The following TTC27 variants were observed in gnomAD, a reference collection of about 807,000 sequenced individuals.
TTC27 encodes tetratricopeptide repeat domain 27, also known as tetratricopeptide repeat protein 27.
Under a neutral mutation model 115.9 loss-of-function variants are expected in TTC27, and 79 were observed. The observed-to-expected ratio is 0.68, with a 90% CI of 0.57 to 0.82. The LOEUF is 0.82. TTC27 is among the 40% of genes least tolerant of loss of function. The pLI is 0.00. For missense variants in TTC27, 1,054 were observed against 993.1 expected (o/e 1.06, Z -0.82); for synonymous variants, 401 against 356.0 (o/e 1.13, Z -1.42).
chr2:32,807,317 C>CTCT lies in TTC27; in HGVS notation c.1999-3705_1999-3704insTTC, dbSNP rs568313094. ...AGTATACCAATTTCCTTCTTTACCC[C>CTCT]TCCTTACTCTTCAAAATCCTTCTCC... On this transcript the variant is annotated intron_variant, in intron 16 of 19. Transcript: ENST00000317907. Among the ~76,000 whole-genome samples the CTCT allele has an allele frequency of 1.9e-3, 285 of 152,256 alleles. 1 individual carries two copies. The highest frequency in any genetic ancestry group is 6.5e-3 in the African/African-American group (272 of 41,534).
intron 14 of TTC27, among the ~76,000 whole-genome samples, chr2:32,781,999 T>G (rs1256421518): frequency 1.3e-5 from 2 of 152,194 alleles, no homozygotes; most frequent in African/African-American, 2.4e-5. Flanking sequence ...GTGTGGGACT[T>G]GAGAATGATA....
chr2:32,689,518 AC>A (rs1221206383), intron 9 of TTC27, among the ~76,000 whole-genome samples: 3 of 152,106 alleles, frequency 2.0e-5, no homozygotes, highest in Admixed American at 6.5e-5. Context: ...CTTAGTGTTC[AC>A]ATTCGTTATG....
intron 8 of TTC27, among the ~76,000 whole-genome samples, chr2:32,674,013 T>G (rs1046159867): frequency 6.6e-6 from 1 of 152,112 alleles, no homozygotes; most frequent in Admixed American, 6.6e-5. Context: ...GAAAGGTAAT[T>G]TTAGACTAAA....
intron 12 of TTC27, among the ~76,000 whole-genome samples, chr2:32,741,381 C>A (rs564887743): frequency 6.6e-6 from 1 of 151,898 alleles, no homozygotes; most frequent in African/African-American, 2.4e-5. Flanking sequence ...TGGTGGCTCA[C>A]GCCTGTAATC....
intron 9 of TTC27, among the ~76,000 whole-genome samples, chr2:32,682,217 G>A (rs1666456619): frequency 6.6e-6 from 1 of 152,116 alleles, no homozygotes; most frequent in African/African-American, 2.4e-5. Flanking sequence ...GTCTATTCAA[G>A]AGCTGTGTCA....
intron 10 of TTC27, among the ~76,000 whole-genome samples, chr2:32,712,570 T>G (rs1474178508): frequency 6.6e-6 from 1 of 152,140 alleles, no homozygotes; most frequent in Non-Finnish European, 1.5e-5. Flanking sequence ...TTTTTTCTTT[T>G]TTTAAATGAG....
rs1319816724 is a variant in TTC27 at position 32,643,293 on chromosome 2, A to G, written c.537+2883A>G. 2.6e-5 allele frequency among the ~76,000 whole-genome samples: 4 copies of G among 151,470 alleles called. No homozygotes were observed. The East Asian group carries it at 7.8e-4, about 30-fold the overall frequency. Reference sequence around the variant, plus strand: ...TAAAGACTGACGATTACTTTGCTCTATTGTTTTATTTATTTACTTATTTAT... The same window carrying G: ...TAAAGACTGACGATTACTTTGCTCTGTTGTTTTATTTATTTACTTATTTAT... On this transcript the variant is annotated intron_variant, in intron 4 of 19. Transcript: ENST00000317907.
Position 32,782,666 on chromosome 2 carries a change from G to T in TTC27, c.1820G>T (p.Arg607Leu), listed in dbSNP as rs776673745. ...AWNNLSTSYI[R>L]LKQKVKAFRT... is the part of the protein sequence containing the mutation. ...AACAATTTGTCAACTTCCTATATCC[G>T]ATTAAAACAAAAGTAAGTACATCAG... The change falls in exon 15 of 20, where the codon CGA (arginine) becomes CTA (leucine). Residue 607 changes from arginine to leucine, a missense_variant. Arg to Leu is a moderately radical substitution (Grantham distance 102). Transcript: ENST00000317907. 34 of 1,610,808 alleles carry T rather than the reference G, an allele frequency of 2.1e-5. No homozygotes were observed. The highest frequency in any genetic ancestry group is 1.6e-4 in the Middle Eastern group (1 of 6,070).
chr2:32,817,918 A>T (rs1000119422), intron 19 of TTC27, among the ~76,000 whole-genome samples: 3 of 152,112 alleles, frequency 2.0e-5, no homozygotes, highest in African/African-American at 7.2e-5. Context: ...TTAGCTGGGC[A>T]TGGTTGCGGG....
intron 9 of TTC27, among the ~76,000 whole-genome samples, chr2:32,682,844 G>GGT (rs1553550061): frequency 1.8e-5 from 1 of 56,988 alleles, no homozygotes; most frequent in African/African-American, 7.5e-5. Context: ...AATTTTTATT[G>GGT]TTGTTTTTTT....
chr2:32,728,573 A>G lies in TTC27; in HGVS notation c.1234-5255A>G, dbSNP rs540353109. ...AAATAGAGTTCTCAGTATTTTTCCA[A>G]TGAGAAGCTGCTTTCAATTTTGACA... is the stretch of plus-strand genomic sequence containing the variant. On this transcript the variant is annotated intron_variant, in intron 10 of 19. Transcript: ENST00000317907. 7.2e-5 allele frequency among the ~76,000 whole-genome samples: 11 copies of G among 152,320 alleles called. No individual in the cohort carries two copies. In the East Asian group the frequency reaches 1.9e-3, roughly 27 times the overall value.
intron 10 of TTC27, among the ~76,000 whole-genome samples, chr2:32,713,340 A>G (rs1398687024): frequency 6.6e-6 from 1 of 152,086 alleles, no homozygotes; most frequent in Admixed American, 6.5e-5. Flanking sequence ...AAAACAAAAC[A>G]TTTTTGAAAA....
intron 15 of TTC27, among the ~76,000 whole-genome samples, chr2:32,784,103 AAG>A (rs1352215126): frequency 6.6e-6 from 1 of 152,204 alleles, no homozygotes; most frequent in Non-Finnish European, 1.5e-5. Context: ...ACAGGCTCGG[AAG>A]TCCCTGTCAT....
At chr2:32,719,181 A>C (rs1168509449) in intron 10 of TTC27, among the ~76,000 whole-genome samples, 1 of 152,218 alleles carries the variant, frequency 6.6e-6, no homozygotes, top group Admixed American at 6.5e-5. Flanking sequence ...CACCCTCACC[A>C]GAGTGACATC....
intron 4 of TTC27, among the ~76,000 whole-genome samples, chr2:32,644,935 T>TGGGC (rs754870454): frequency 2.0e-5 from 3 of 148,672 alleles, no homozygotes; most frequent in Non-Finnish European, 4.5e-5. Context: ...CTTCAACTTG[T>TGGGC]GGGCTCAAGT....
At chr2:32,656,519 G>A (rs969428065) in intron 5 of TTC27, among the ~76,000 whole-genome samples, 3 of 152,212 alleles carry the variant, frequency 2.0e-5, no homozygotes, top group African/African-American at 7.2e-5. Flanking sequence ...TGTGAAGGGT[G>A]TGTGTCTCAG....
intron 12 of TTC27, among the ~76,000 whole-genome samples, chr2:32,741,685 A>AAC (rs879897085): frequency 4.5e-4 from 55 of 122,884 alleles, no homozygotes; most frequent in African/African-American, 1.2e-3. Context: ...ACAACAACAA[A>AAC]AAAACAGCTG....
intron 4 of TTC27, among the ~76,000 whole-genome samples, chr2:32,646,509 G>T (rs1006050343): frequency 6.7e-6 from 1 of 149,846 alleles, no homozygotes. Context: ...AACTGAAAAG[G>T]TCTGTTACAC....
At chr2:32,758,232 TA>T (rs71407470) in intron 12 of TTC27, 59 bp from the exon 13 acceptor site, 195,354 of 1,100,882 alleles carry the variant, frequency 0.18, 7,949 homozygotes, top group Middle Eastern at 0.25. Flanking sequence ...GTATATGTGC[TA>T]AAAAAAAAAA....
Sources: gnomAD v4.1 joint callset for allele counts (sites outside exome capture counted in the v4.1 genomes callset) on GRCh38, gnomAD v4.1.1 for gene constraint, MANE v1.5 for transcripts, NCBI Gene and HGNC (gene_info 2026-07-23, HGNC 2026-07-21) for gene names.